The following PDE11A variants were observed in gnomAD, a reference collection of about 807,000 sequenced individuals.
PDE11A encodes phosphodiesterase 11A.
PDE11A carries 100 observed loss-of-function variants against 100.5 expected under a neutral mutation model. The observed-to-expected ratio is 1.00, with a 90% CI of 0.85 to 1.18. The LOEUF (loss-of-function observed/expected upper bound fraction) is 1.18. Ranked by LOEUF, PDE11A falls within the 50% of genes most tolerant of loss-of-function variation. PDE11A has a pLI of 0.00. For missense variants in PDE11A, 1,141 were observed against 1,152.6 expected (o/e 0.99, Z 0.15); for synonymous variants, 381 against 420.8 (o/e 0.91, Z 1.16).
In PDE11A at chr2:177,759,899, TTCTG is replaced by T. The variant is rs141720404; in HGVS notation, c.1788+9420_1788+9423del. Among the ~76,000 whole-genome samples, 1,192 of 152,258 alleles carry T rather than the reference TTCTG, an allele frequency of 7.8e-3. 13 individuals are homozygous for T. The highest frequency in any genetic ancestry group is 0.014 in the Non-Finnish European group (936 of 68,006). On this transcript the variant is annotated intron_variant, in intron 10 of 19. Coordinates refer to ENST00000286063, the MANE Select transcript of PDE11A (RefSeq NM_016953.4). ...TCAATATGTTGAGTTCAGCCAACAA[TTCTG>T]TCTTTCTCAGACGTCATTACCATTC...
At chr2:177,796,921 C>T (rs2082715172) in intron 9 of PDE11A, 1 of 152,098 alleles carries the variant, frequency 6.6e-6, no homozygotes, top group Admixed American at 6.5e-5. Flanking sequence ...GGCTATTACT[C>T]CTAGGATCTG....
chr2:177,848,214 C>T (rs2083636004), intron 5 of PDE11A, among the ~76,000 whole-genome samples: 1 of 152,018 alleles, frequency 6.6e-6, no homozygotes, highest in South Asian at 2.1e-4. Flanking sequence ...AGTCACAACA[C>T]TATTTTGATC....
At position 178,079,920 on chromosome 2, in the gene PDE11A, T is replaced by C. The variant is rs566085521; in HGVS notation, c.162+24382A>G. On this transcript the variant is annotated intron_variant, in intron 2 of 20. Coordinates refer to the PDE11A transcript ENST00000358450. ...TCAGTGATGTTTAACATTTTTCATA[T>C]GTTTGTTGGGCACATGAATGTCTTC... is the stretch of plus-strand genomic sequence containing the variant. 1.0e-3 allele frequency among the ~76,000 whole-genome samples: 152 copies of C among 152,336 alleles called. 3 individuals are homozygous for C. Among genetic ancestry groups the C allele is most frequent in the Non-Finnish European group, 5.9e-4 (40 of 68,008 alleles).
At chr2:177,749,942 C>G (rs1010230159) in intron 10 of PDE11A, among the ~76,000 whole-genome samples, 1 of 152,186 alleles carries the variant, frequency 6.6e-6, no homozygotes, top group Non-Finnish European at 1.5e-5. Flanking sequence ...GCTCAAAGAG[C>G]TCCCTTCTCA....
chr2:177,867,103 A>G (rs1203585626), intron 5 of PDE11A, among the ~76,000 whole-genome samples: 1 of 152,218 alleles, frequency 6.6e-6, no homozygotes, highest in Non-Finnish European at 1.5e-5. Context: ...TTGTGTGTGT[A>G]TTTATATACA....
At chr2:177,861,267 C>T (rs191215985) in intron 5 of PDE11A, among the ~76,000 whole-genome samples, 2 of 151,710 alleles carry the variant, frequency 1.3e-5, no homozygotes, top group East Asian at 3.9e-4. Context: ...ATACAAAACT[C>T]AGCTGTATTT....
intron 14 of PDE11A, chr2:177,698,508 G>A (rs566463365): frequency 2.0e-5 from 3 of 152,272 alleles, no homozygotes; most frequent in Admixed American, 6.5e-5. Flanking sequence ...TTGAGAGCCG[G>A]AAGATGCTGG....
intron 13 of PDE11A, among the ~76,000 whole-genome samples, chr2:177,708,132 C>A (rs996434026): frequency 6.6e-6 from 1 of 152,156 alleles, no homozygotes; most frequent in African/African-American, 2.4e-5. Context: ...ACACAATGGG[C>A]TCCAGCTGTT....
At chr2:177,846,243 T>A (rs1553481893) in intron 5 of PDE11A, among the ~76,000 whole-genome samples, 2 of 152,194 alleles carry the variant, frequency 1.3e-5, no homozygotes, top group Non-Finnish European at 2.9e-5. Flanking sequence ...AGCAAAGTGA[T>A]CTTAGGAAAA....
intron 2 of PDE11A, among the ~76,000 whole-genome samples, chr2:177,991,304 C>T (rs1368163704): frequency 2.0e-5 from 3 of 149,374 alleles, no homozygotes; most frequent in Non-Finnish European, 4.4e-5. Context: ...GTACTCCAGC[C>T]TGGGCGACAG....
intron 2 of PDE11A, among the ~76,000 whole-genome samples, chr2:177,950,650 G>T (rs527708886): frequency 6.6e-6 from 1 of 152,284 alleles, no homozygotes; most frequent in South Asian, 2.1e-4. Context: ...TCCTTCTCAC[G>T]CCTGTAATCC....
chr2:178,070,162 A>G (rs1437337212), intron 1 of PDE11A, among the ~76,000 whole-genome samples: 1 of 152,214 alleles, frequency 6.6e-6, no homozygotes, highest in African/African-American at 2.4e-5. Flanking sequence ...CTTGTTGAAA[A>G]CCACTCATTG....
intron 9 of PDE11A, among the ~76,000 whole-genome samples, chr2:177,793,218 G>A (rs558467427): frequency 3.9e-5 from 6 of 152,268 alleles, no homozygotes; most frequent in Non-Finnish European, 8.8e-5. Flanking sequence ...AGGGTTTCAG[G>A]CAAGAGGCTG....
At chr2:177,693,687 T>C (rs1354943173) in intron 15 of PDE11A, among the ~76,000 whole-genome samples, 1 of 152,192 alleles carries the variant, frequency 6.6e-6, no homozygotes, top group African/African-American at 2.4e-5. Flanking sequence ...GACAATGATT[T>C]CTTGATTCTT....
intron 19 of PDE11A, among the ~76,000 whole-genome samples, chr2:177,661,594 C>T (rs1294021291): frequency 2.0e-4 from 31 of 152,172 alleles, no homozygotes; most frequent in Admixed American, 2.0e-3. Context: ...TTAAACTCAC[C>T]CTACAAAGTT....
At chr2:178,014,213 G>T (rs2086305779) in intron 2 of PDE11A, 89 bp downstream of exon 2, 3 of 999,604 alleles carry the variant, frequency 3.0e-6, no homozygotes, top group African/African-American at 3.2e-5. Flanking sequence ...TAATCCAACA[G>T]CTATTCACAT....
chr2:178,107,551 C>T (rs1574402231), intron 1 of PDE11A, among the ~76,000 whole-genome samples: 2 of 151,344 alleles, frequency 1.3e-5, no homozygotes, highest in Middle Eastern at 6.8e-3. Flanking sequence ...TCATTTAGTT[C>T]TCACAACAGC....
intron 2 of PDE11A, among the ~76,000 whole-genome samples, chr2:177,916,360 T>C (rs1376939613): frequency 6.6e-6 from 1 of 152,222 alleles, no homozygotes; most frequent in Non-Finnish European, 1.5e-5. Flanking sequence ...GCTCTTGAAC[T>C]TTGGTCTGTC....
At chr2:177,728,271 A>C (rs2081632461) in intron 10 of PDE11A, 99 bp from the exon 11 acceptor site, 1 of 1,001,844 alleles carries the variant, frequency 1.0e-6, no homozygotes, top group African/African-American at 1.6e-5. Context: ...CACATAAATC[A>C]GGCCTGACCT....
Sources: gnomAD v4.1 joint callset for allele counts (sites outside exome capture counted in the v4.1 genomes callset) on GRCh38, gnomAD v4.1.1 for gene constraint, MANE v1.5 for transcripts, NCBI Gene and HGNC (gene_info 2026-07-23, HGNC 2026-07-21) for gene names.